The following XKR9 variants were observed in gnomAD, a reference collection of about 807,000 sequenced individuals.
XKR9 encodes the protein XK related 9.
In XKR9, 32 loss-of-function variants were observed where a neutral mutation model predicts 32.0. That is an observed-to-expected ratio of 1.00 (90% confidence interval 0.76 to 1.34). XKR9 has a LOEUF of 1.34. XKR9 is among the 40% of genes most tolerant of loss of function. The probability of loss-of-function intolerance (pLI) is 0.00; values close to 1 mark genes in which losing one functional copy is unlikely to be tolerated. For missense variants in XKR9, 546 were observed against 429.7 expected (o/e 1.27, Z -2.39); for synonymous variants, 168 against 143.4 (o/e 1.17, Z -1.22).
chr8:71,006,614 C>A, the XKR9 span, among the ~76,000 whole-genome samples: 1 of 152,184 alleles, frequency 6.6e-6, no homozygotes, highest in Non-Finnish European at 1.5e-5. Flanking sequence ...GGGAATCAGA[C>A]TTTGCACATT....
chr8:70,744,368 C>T (rs1470174784), intron 2 of XKR9, among the ~76,000 whole-genome samples: 1 of 151,924 alleles, frequency 6.6e-6, no homozygotes, highest in Non-Finnish European at 1.5e-5. Context: ...AGCTTTTTAA[C>T]ATTTAGTTCT....
intron 3 of XKR9, among the ~76,000 whole-genome samples, chr8:70,704,978 T>C (rs939054413): frequency 2.6e-5 from 4 of 152,160 alleles, no homozygotes; most frequent in South Asian, 2.1e-4. Flanking sequence ...TGTGAGGTCA[T>C]TGTGGGTAGA....
At chr8:70,696,664 G>A (rs1225383849) in intron 3 of XKR9, among the ~76,000 whole-genome samples, 9 of 138,384 alleles carry the variant, frequency 6.5e-5, no homozygotes, top group Admixed American at 3.6e-4. Flanking sequence ...TCGGCGATGC[G>A]GGCTCTTTCT....
the XKR9 span, among the ~76,000 whole-genome samples, chr8:70,815,135 AT>A: frequency 6.6e-6 from 1 of 151,700 alleles, no homozygotes; most frequent in Admixed American, 6.6e-5. Flanking sequence ...GATCAGAAGA[AT>A]TTTTTTACAT....
chr8:70,795,596 C>T, the XKR9 span, among the ~76,000 whole-genome samples: 15 of 152,176 alleles, frequency 9.9e-5, no homozygotes, highest in Non-Finnish European at 1.5e-5. Flanking sequence ...TATACTCCCA[C>T]CAACAGTGTA....
At chr8:71,034,793 C>T in the XKR9 span, among the ~76,000 whole-genome samples, 10 of 152,226 alleles carry the variant, frequency 6.6e-5, no homozygotes, top group Middle Eastern at 3.4e-3. Flanking sequence ...AGATTCCTCA[C>T]CCAAGGAATC....
chr8:70,802,362 T>G, the XKR9 span, among the ~76,000 whole-genome samples: 1 of 152,230 alleles, frequency 6.6e-6, no homozygotes, highest in African/African-American at 2.4e-5. Context: ...ATTTTGAGCC[T>G]ATAAGTGTCA....
chr8:70,873,520 G>A, the XKR9 span, among the ~76,000 whole-genome samples: 1 of 152,194 alleles, frequency 6.6e-6, no homozygotes, highest in Non-Finnish European at 1.5e-5. Flanking sequence ...GACTTTCAGG[G>A]ATTCAAGGCT....
At chr8:70,844,763 A>G in the XKR9 span, among the ~76,000 whole-genome samples, 2 of 152,202 alleles carry the variant, frequency 1.3e-5, no homozygotes, top group African/African-American at 4.8e-5. Context: ...AACCAGCTGC[A>G]TGTGCCACCT....
the XKR9 span, among the ~76,000 whole-genome samples, chr8:71,028,173 T>C: frequency 0.011 from 1,659 of 152,338 alleles, 19 homozygotes; most frequent in Non-Finnish European, 0.013. Flanking sequence ...ATTTTCACAA[T>C]TTAATTATTC....
chr8:70,723,183 A>G (rs1194855937), intron 4 of XKR9, among the ~76,000 whole-genome samples: 1 of 152,044 alleles, frequency 6.6e-6, no homozygotes, highest in Non-Finnish European at 1.5e-5. Flanking sequence ...TGATTATTCT[A>G]GTTAGCAGTT....
At chr8:70,675,715 A>G (rs1818861489) in intron 2 of XKR9, among the ~76,000 whole-genome samples, 1 of 152,206 alleles carries the variant, frequency 6.6e-6, no homozygotes, top group Non-Finnish European at 1.5e-5. Flanking sequence ...TTGCTGAGGC[A>G]TAACATGGGT....
the XKR9 span, among the ~76,000 whole-genome samples, chr8:70,848,863 A>G: frequency 6.6e-6 from 1 of 152,144 alleles, no homozygotes; most frequent in Non-Finnish European, 1.5e-5. Context: ...AGGGCATTAC[A>G]TAATGGTAAA....
chr8:70,785,632 A>G (rs1807674533), intron 2 of XKR9, among the ~76,000 whole-genome samples: 2 of 150,380 alleles, frequency 1.3e-5, no homozygotes, highest in African/African-American at 4.9e-5. Flanking sequence ...CTTTTATAAC[A>G]TAGGAATTTA....
intron 2 of XKR9, among the ~76,000 whole-genome samples, chr8:70,750,967 C>T (rs536605379): frequency 2.0e-5 from 3 of 152,274 alleles, no homozygotes; most frequent in Admixed American, 2.0e-4. Flanking sequence ...TGTGGTTGGG[C>T]CTCATCTACT....
At chr8:70,954,647 A>T in the XKR9 span, among the ~76,000 whole-genome samples, 1 of 152,152 alleles carries the variant, frequency 6.6e-6, no homozygotes, top group Non-Finnish European at 1.5e-5. Context: ...ACTTCTCTTT[A>T]TCCTCAGGTT....
At chr8:70,877,687 T>G in the XKR9 span, among the ~76,000 whole-genome samples, 2 of 152,200 alleles carry the variant, frequency 1.3e-5, no homozygotes, top group South Asian at 4.1e-4. Context: ...TACATTTGAT[T>G]GGTGTACCTG....
chr8:70,893,309 A>G, the XKR9 span, among the ~76,000 whole-genome samples: 1 of 152,046 alleles, frequency 6.6e-6, no homozygotes, highest in Admixed American at 6.6e-5. Context: ...TAGGATTATT[A>G]TTTTAGCTTC....
the XKR9 span, among the ~76,000 whole-genome samples, chr8:70,909,852 G>T: frequency 2.6e-4 from 40 of 151,676 alleles, no homozygotes; most frequent in African/African-American, 8.9e-4. Context: ...GGGACTACAG[G>T]TATGTGCCAC....
Sources: allele counts gnomAD v4.1 joint callset (sites outside exome capture counted in the v4.1 genomes callset), GRCh38; gene constraint gnomAD v4.1.1; transcripts MANE v1.5; gene names NCBI Gene and HGNC (gene_info 2026-07-23, HGNC 2026-07-21).